TDRD12: variants seen among roughly 807,000 people sequenced by gnomAD.
The protein encoded by TDRD12 is putative ATP-dependent RNA helicase TDRD12.
In TDRD12, 158 loss-of-function variants were observed where a neutral mutation model predicts 133.5. The ratio of observed to expected loss-of-function variants is 1.18; its 90% CI spans 1.04 to 1.35. TDRD12 has a LOEUF of 1.35. TDRD12 is among the 40% of genes most tolerant of loss of function. TDRD12 has a pLI of 0.00. For synonymous variants in TDRD12, 460 were observed against 477.9 expected (o/e 0.96, Z 0.49); for missense variants, 1,443 against 1,321.3 (o/e 1.09, Z -1.43).
intron 1 of TDRD12, among the ~76,000 whole-genome samples, chr19:32,727,470 A>G (rs994307059): frequency 1.3e-5 from 2 of 152,076 alleles, no homozygotes; most frequent in African/African-American, 2.4e-5. Context: ...TTAAATTTCA[A>G]TGAAGCCCAG....
At chr19:32,795,748 A>T (rs1349936475) in intron 14 of TDRD12, among the ~76,000 whole-genome samples, 9 of 152,250 alleles carry the variant, frequency 5.9e-5, no homozygotes. Flanking sequence ...GAGCGGAAGC[A>T]TGATGCTGGC....
At chr19:32,728,360 T>C (rs1036601373) in intron 1 of TDRD12, among the ~76,000 whole-genome samples, 5 of 152,116 alleles carry the variant, frequency 3.3e-5, no homozygotes, top group African/African-American at 1.2e-4. Flanking sequence ...AGGATTGACA[T>C]CTTAATGATA....
In TDRD12 at chr19:32,771,638, T is replaced by C. The variant is rs1410984186; in HGVS notation, c.866-1115T>C. The stretch of plus-strand genomic sequence containing the variant: ...ATGGCATTGAACTACTTTGCGGACT[T>C]AGTGATTTTTGTTTGAGAGCTTATC... On this transcript the variant is annotated intron_variant, in intron 8 of 27. Coordinates refer to ENST00000444215, the Ensembl canonical transcript of TDRD12. Among the ~76,000 whole-genome samples the C allele has an allele frequency of 2.0e-5, 3 of 152,136 alleles. No individual in the cohort carries two copies. In the East Asian group the frequency reaches 5.8e-4, roughly 29 times the overall value.
chr19:32,806,334 C>T lies in TDRD12; in HGVS notation c.2553-1215C>T, dbSNP rs568660397. 1.8e-3 allele frequency among the ~76,000 whole-genome samples: 228 copies of T among 129,102 alleles called. 1 individual carries two copies. Among genetic ancestry groups the T allele is most frequent in the African/African-American group, 7.0e-3 (219 of 31,504 alleles). The allele number at this position is 129,102 out of a possible 152,430, so 84.7% of individuals were successfully genotyped here. A position where few individuals can be genotyped will look rare whatever the true frequency, so the allele number is the denominator to read the frequency against. ...ATTCCTATTTACGCTTAAAGAAGAC[C>T]GAGTTTTTTTTTTTTTTTTTTTAAG... On this transcript the variant is annotated intron_variant, in intron 21 of 27. Transcript: ENST00000444215.
intron 11 of TDRD12, among the ~76,000 whole-genome samples, chr19:32,786,164 G>A (rs1037723773): frequency 1.3e-5 from 2 of 152,110 alleles, no homozygotes; most frequent in Non-Finnish European, 2.9e-5. Flanking sequence ...GTCTGTAAGG[G>A]ATTTTATTTC....
rs528307642 is a variant in TDRD12 at position 32,773,960 on chromosome 19, A to G, written c.1040+428A>G. ...GAGTTGTCCCTGTAAGGCAGGTCTG[A>G]AGATTGGCACAGAGTGGTCCTGATG... On this transcript the variant is annotated intron_variant, in intron 10 of 27. Transcript: ENST00000444215. Among the ~76,000 whole-genome samples the G allele has an allele frequency of 5.3e-5, 8 of 152,280 alleles. No homozygotes were observed. The South Asian group carries it at 1.7e-3, about 32-fold the overall frequency.
chr19:32,798,409 G>A (rs755329258), exon 16 of TDRD12: 2 of 1,535,820 alleles, frequency 1.3e-6, no homozygotes, highest in African/African-American at 1.4e-5. Flanking sequence ...TGAGGTAGAG[G>A]TGCTATTCTT....
chr19:32,726,598 T>C (rs1226110495), intron 1 of TDRD12, among the ~76,000 whole-genome samples: 1 of 152,108 alleles, frequency 6.6e-6, no homozygotes, highest in Non-Finnish European at 1.5e-5. Context: ...ATTTCCTTTC[T>C]TTTGAAGCCC....
chr19:32,729,221 G>T (rs372877728), intron 1 of TDRD12, among the ~76,000 whole-genome samples: 2,766 of 118,458 alleles, frequency 0.023, 124 homozygotes, highest in Admixed American at 0.14. Flanking sequence ...TTTTTTTTTT[G>T]TTTTTTTTTT....
At chr19:32,828,879 C>G (rs766817106) in exon 10 of TDRD12, 4 of 152,256 alleles carry the variant, frequency 2.6e-5, no homozygotes, top group Non-Finnish European at 5.9e-5. Flanking sequence ...CCTGGCCTCC[C>G]CTGGGAGGAC....
intron 11 of TDRD12, among the ~76,000 whole-genome samples, chr19:32,788,123 CTTTTTTTTTG>C (rs1337172205): frequency 6.8e-6 from 1 of 147,812 alleles, no homozygotes; most frequent in East Asian, 2.0e-4. Flanking sequence ...TTTTTTTTTT[CTTTTTTTTTG>C]TTTTTTTGAA....
intron 11 of TDRD12, among the ~76,000 whole-genome samples, chr19:32,779,430 A>G (rs1468997124): frequency 6.6e-6 from 1 of 152,148 alleles, no homozygotes; most frequent in African/African-American, 2.4e-5. Context: ...AAGTTACAGT[A>G]CATTCTGGAA....
chr19:32,820,221 G>A (rs1380408258), intron 27 of TDRD12, among the ~76,000 whole-genome samples: 1 of 152,096 alleles, frequency 6.6e-6, no homozygotes, highest in African/African-American at 2.4e-5. Flanking sequence ...CTTCTCACAG[G>A]TTTGTGTGTG....
chr19:32,790,439 C>G (rs776629652), intron 11 of TDRD12, 92 bp from the exon 12 acceptor site: 10 of 1,287,446 alleles, frequency 7.8e-6, no homozygotes, highest in Non-Finnish European at 1.1e-5. Context: ...TGTGCAGCCC[C>G]TGCTATCTCT....
intron 8 of TDRD12, among the ~76,000 whole-genome samples, chr19:32,762,769 A>G (rs185617770): frequency 1.3e-5 from 2 of 152,290 alleles, no homozygotes; most frequent in African/African-American, 4.8e-5. Context: ...GTGATTATTT[A>G]TATACAGTCA....
At chr19:32,810,364 TTGAC>T in intron 23 of TDRD12, 87 bp downstream of exon 23, 2 of 1,134,488 alleles carry the variant, frequency 1.8e-6, no homozygotes, top group South Asian at 1.7e-5. Flanking sequence ...CTCTGTCCAT[TTGAC>T]TGAGTGTGTA....
intron 3 of TDRD12, among the ~76,000 whole-genome samples, chr19:32,739,712 G>GTGC (rs1240035336): frequency 1.5e-5 from 2 of 137,788 alleles, no homozygotes; most frequent in Admixed American, 7.2e-5. Flanking sequence ...GCATCTCCTG[G>GTGC]GTACTCTCTG....
exon 20 of TDRD12, chr19:32,802,695 A>G: frequency 6.5e-7 from 1 of 1,536,230 alleles, no homozygotes; most frequent in Non-Finnish European, 8.7e-7. Context: ...GCCATCACCG[A>G]TGCCACGTGT....
intron 6 of TDRD12, among the ~76,000 whole-genome samples, chr19:32,753,566 C>T (rs950498054): frequency 3.3e-5 from 5 of 151,818 alleles, no homozygotes; most frequent in South Asian, 4.2e-4. Flanking sequence ...TACACTGGCG[C>T]GATCTCTGCT....
Sources: allele counts gnomAD v4.1 joint callset (sites outside exome capture counted in the v4.1 genomes callset), GRCh38; gene constraint gnomAD v4.1.1; transcripts MANE v1.5; gene names NCBI Gene and HGNC (gene_info 2026-07-23, HGNC 2026-07-21).